ATP8B4: variants seen among roughly 807,000 people sequenced by gnomAD.
The protein encoded by ATP8B4 is ATPase phospholipid transporting 8B4 (putative).
In ATP8B4, 133 loss-of-function variants were observed where a neutral mutation model predicts 145.6. That is an observed-to-expected ratio of 0.91 (90% CI 0.79 to 1.05). The LOEUF is 1.05. Among genes scored for constraint, ATP8B4 ranks in the 50% least tolerant of loss-of-function variants. The probability of loss-of-function intolerance (pLI) is 0.00; values close to 1 mark genes in which losing one functional copy is unlikely to be tolerated. For missense variants in ATP8B4, 1,458 were observed against 1,425.2 expected (o/e 1.02, Z -0.37); for synonymous variants, 507 against 492.9 (o/e 1.03, Z -0.38).
At chr15:50,055,339 C>T (rs2153615924) in intron 3 of ATP8B4, among the ~76,000 whole-genome samples, 1 of 152,314 alleles carries the variant, frequency 6.6e-6, no homozygotes, top group East Asian at 1.9e-4. Context: ...ACCAACCAAA[C>T]ACCAGGTAAG....
At chr15:50,089,690 G>A (rs184402352) in intron 2 of ATP8B4, among the ~76,000 whole-genome samples, 1 of 151,660 alleles carries the variant, frequency 6.6e-6, no homozygotes, top group Non-Finnish European at 1.5e-5. Flanking sequence ...TTGAGACAGA[G>A]TCTCACTCTG....
chr15:50,139,881 G>A (rs191941393), intron 1 of ATP8B4, among the ~76,000 whole-genome samples: 3 of 152,218 alleles, frequency 2.0e-5, no homozygotes, highest in Admixed American at 2.0e-4. Context: ...TCTGCTTGAT[G>A]GGCAGATAGA....
At chr15:50,063,936 G>C (rs1301752700) in intron 3 of ATP8B4, among the ~76,000 whole-genome samples, 1 of 152,044 alleles carries the variant, frequency 6.6e-6, no homozygotes, top group Non-Finnish European at 1.5e-5. Context: ...ATATCAATTT[G>C]GCTCAATTGA....
intron 13 of ATP8B4, among the ~76,000 whole-genome samples, chr15:49,969,813 C>A (rs557636285): frequency 1.3e-5 from 2 of 152,162 alleles, no homozygotes; most frequent in South Asian, 4.2e-4. Flanking sequence ...GGAAGAGACA[C>A]AACAAAAAAA....
chr15:49,935,313 C>T (rs1040610548), intron 14 of ATP8B4, among the ~76,000 whole-genome samples: 6 of 152,124 alleles, frequency 3.9e-5, no homozygotes, highest in South Asian at 2.1e-4. Context: ...CTATTATCCC[C>T]GTTTTACAGA....
chr15:50,027,921 TCA>T (rs986764047), intron 6 of ATP8B4, among the ~76,000 whole-genome samples: 3 of 152,214 alleles, frequency 2.0e-5, no homozygotes, highest in Admixed American at 6.5e-5. Context: ...TCACTTGAAG[TCA>T]CAGTTTCCAA....
intron 3 of ATP8B4, among the ~76,000 whole-genome samples, chr15:50,055,162 C>A (rs554636403): frequency 1.3e-5 from 2 of 152,198 alleles, no homozygotes; most frequent in African/African-American, 4.8e-5. Flanking sequence ...AGTGGGGAGG[C>A]TGCCAAGAAC....
At chr15:50,141,020 G>C (rs2044200349) in intron 1 of ATP8B4, among the ~76,000 whole-genome samples, 1 of 152,084 alleles carries the variant, frequency 6.6e-6, no homozygotes, top group Non-Finnish European at 1.5e-5. Flanking sequence ...GGAAGGAGCT[G>C]TTGGTCAGAG....
At chr15:50,176,030 T>C (rs1595671850) in intron 1 of ATP8B4, among the ~76,000 whole-genome samples, 1 of 151,620 alleles carries the variant, frequency 6.6e-6, no homozygotes, top group Non-Finnish European at 1.5e-5. Flanking sequence ...ATATATATCA[T>C]AGTATAGAGA....
In ATP8B4 at chr15:49,860,401, G is replaced by T. The variant is rs566468618; in HGVS notation, c.3372C>A (p.Ser1124Arg). ...SSRRPRTRRS[S>R]SRRSGYAFAH... ...CAAAAGCATATCCAGACCTTCTTGA[G>T]CTTGACCTGCGGGTCCGAGGCCTTC... The change falls in exon 28 of 28, where the codon AGC becomes AGA. Residue 1124 changes from serine (S) to arginine (R), a missense_variant. Ser to Arg is a moderately radical substitution (Grantham distance 110). Coordinates refer to ENST00000284509, the MANE Select transcript of ATP8B4 (RefSeq NM_024837.4). The T allele has an allele frequency of 1.2e-6, 2 of 1,613,954 alleles. No homozygotes were observed. The highest frequency in any genetic ancestry group is 1.7e-6 in the Non-Finnish European group (2 of 1,179,982).
chr15:50,046,632 T>C (rs945813769), intron 4 of ATP8B4, among the ~76,000 whole-genome samples: 1 of 152,256 alleles, frequency 6.6e-6, no homozygotes, highest in African/African-American at 2.4e-5. Flanking sequence ...TTAGCCATTC[T>C]TGACCTACCA....
At chr15:49,935,247 G>C (rs1300239561) in intron 14 of ATP8B4, among the ~76,000 whole-genome samples, 1 of 151,920 alleles carries the variant, frequency 6.6e-6, no homozygotes, top group Non-Finnish European at 1.5e-5. Context: ...TATGCTAACA[G>C]TTTTATATGG....
At chr15:50,171,345 A>G (rs972117379) in intron 1 of ATP8B4, among the ~76,000 whole-genome samples, 2 of 152,238 alleles carry the variant, frequency 1.3e-5, no homozygotes, top group Non-Finnish European at 2.9e-5. Flanking sequence ...AATTGAAATT[A>G]TATCAAGCAC....
At chr15:50,020,036 C>T (rs1160463352) in intron 6 of ATP8B4, among the ~76,000 whole-genome samples, 1 of 151,996 alleles carries the variant, frequency 6.6e-6, no homozygotes, top group Non-Finnish European at 1.5e-5. Context: ...CTGCTTGCTG[C>T]AGCCTTGAAT....
chr15:50,008,816 G>A (rs536696184), intron 7 of ATP8B4, among the ~76,000 whole-genome samples: 1 of 152,270 alleles, frequency 6.6e-6, no homozygotes, highest in South Asian at 2.1e-4. Context: ...AGTGAGTCCA[G>A]TCTGATGTTC....
chr15:50,133,699 T>C (rs1366206663), intron 1 of ATP8B4, among the ~76,000 whole-genome samples: 2 of 152,170 alleles, frequency 1.3e-5, no homozygotes, highest in African/African-American at 4.8e-5. Flanking sequence ...TGGGGAGATG[T>C]TGGTCAAAAT....
intron 27 of ATP8B4, 72 bp downstream of exon 27, chr15:49,862,173 A>T (rs2031944392): frequency 6.5e-7 from 1 of 1,536,736 alleles, no homozygotes; most frequent in Admixed American, 1.8e-5. Context: ...TGAGCTTCCA[A>T]TAAGGCAGAA....
chr15:50,138,720 A>T (rs2044165760), intron 1 of ATP8B4, among the ~76,000 whole-genome samples: 1 of 152,224 alleles, frequency 6.6e-6, no homozygotes, highest in Non-Finnish European at 1.5e-5. Context: ...AGAAATTTTT[A>T]AAATAAAAAC....
At chr15:49,929,079 C>T (rs1023873307) in intron 16 of ATP8B4, among the ~76,000 whole-genome samples, 1 of 152,100 alleles carries the variant, frequency 6.6e-6, no homozygotes, top group Non-Finnish European at 1.5e-5. Context: ...ACAAGCCCTC[C>T]TGGTGACGCT....
Sources: gnomAD v4.1 joint callset for allele counts (sites outside exome capture counted in the v4.1 genomes callset) on GRCh38, gnomAD v4.1.1 for gene constraint, MANE v1.5 for transcripts, NCBI Gene and HGNC (gene_info 2026-07-23, HGNC 2026-07-21) for gene names.